Variants in GTF2F2 observed in about 807,000 individuals in gnomAD.
The protein encoded by GTF2F2 is ATP-dependent helicase GTF2F2.
A neutral mutation model predicts 42.2 loss-of-function variants in GTF2F2; 23 were observed. The observed-to-expected ratio is 0.55, with a 90% CI of 0.39 to 0.77. The LOEUF is 0.77. GTF2F2 is among the 30% of genes least tolerant of loss of function. The pLI is 0.00. For missense variants in GTF2F2, 261 were observed against 287.2 expected (o/e 0.91, Z 0.66); for synonymous variants, 105 against 100.8 (o/e 1.04, Z -0.25).
At chr13:45,142,157 G>A (rs1194461932) in intron 2 of GTF2F2, among the ~76,000 whole-genome samples, 2 of 152,158 alleles carry the variant, frequency 1.3e-5, no homozygotes, top group Non-Finnish European at 2.9e-5. Flanking sequence ...CACAGTTGAA[G>A]AAAAAGTAAG....
Position 45,207,600 on chromosome 13 carries a change from G to A in GTF2F2, c.386+95G>A. The A allele has an allele frequency of 4.1e-6, 3 of 738,194 alleles. No individual in the cohort carries two copies. In the South Asian group the frequency reaches 5.2e-5, roughly 13 times the overall value. The allele number at this position is 738,194 out of a possible 1,614,324, so 45.7% of individuals were successfully genotyped here. ...CGCCTATTGACTGCATTAAAACTGT[G>A]GTTATTGTTGAGTGTTTGCTTCAAA... On this transcript the variant is annotated intron_variant, in intron 5 of 7. Coordinates refer to ENST00000340473, the MANE Select transcript of GTF2F2 (RefSeq NM_004128.3).
intron 5 of GTF2F2, among the ~76,000 whole-genome samples, chr13:45,213,353 A>G (rs1386424177): frequency 1.3e-5 from 2 of 152,194 alleles, no homozygotes; most frequent in Non-Finnish European, 2.9e-5. Context: ...TGCTGGGATT[A>G]CAGGTATGAG....
intron 4 of GTF2F2, among the ~76,000 whole-genome samples, chr13:45,178,388 C>A (rs1038923952): frequency 6.9e-6 from 1 of 145,578 alleles, no homozygotes; most frequent in Non-Finnish European, 1.5e-5. Context: ...TTTTTTGAAT[C>A]TGTGACAATT....
chr13:45,265,831 G>A (rs1349029132), intron 6 of GTF2F2, among the ~76,000 whole-genome samples: 1 of 152,034 alleles, frequency 6.6e-6, no homozygotes, highest in East Asian at 1.9e-4. Context: ...CATTGTTTTC[G>A]AAGCTAGTCC....
At chr13:45,205,485 C>G (rs1593490479) in intron 4 of GTF2F2, among the ~76,000 whole-genome samples, 1 of 152,162 alleles carries the variant, frequency 6.6e-6, no homozygotes, top group East Asian at 1.9e-4. Flanking sequence ...GGATATGTGA[C>G]TAAATTATTT....
At chr13:45,183,799 A>G (rs1872278121) in intron 4 of GTF2F2, among the ~76,000 whole-genome samples, 1 of 152,092 alleles carries the variant, frequency 6.6e-6, no homozygotes, top group Non-Finnish European at 1.5e-5. Flanking sequence ...AATGCCAGAC[A>G]TTTTTATGAT....
rs941381529 is a variant in GTF2F2 at position 45,210,584 on chromosome 13, A to G, written c.386+3079A>G. Among the ~76,000 whole-genome samples the G allele has an allele frequency of 3.9e-5, 6 of 152,216 alleles. No individual in the cohort carries two copies. The East Asian group carries it at 1.2e-3, about 29-fold the overall frequency. On this transcript the variant is annotated intron_variant, in intron 5 of 7. Transcript: ENST00000340473. ...CTGCAATATAAGTTCCCATGAAAAC[A>G]AAGTTTGTTTTTTTCTTTTTTGACT...
At chr13:45,171,069 C>CT (rs908914894) in intron 4 of GTF2F2, among the ~76,000 whole-genome samples, 2,346 of 94,240 alleles carry the variant, frequency 0.025, 179 homozygotes, top group Non-Finnish European at 0.03. Flanking sequence ...AAAACCCTAT[C>CT]TTTTTTTTTT....
intron 4 of GTF2F2, among the ~76,000 whole-genome samples, chr13:45,164,018 G>GT (rs1304388151): frequency 6.6e-6 from 1 of 152,182 alleles, no homozygotes; most frequent in Non-Finnish European, 1.5e-5. Context: ...GCCAAGTGTG[G>GT]TGGTGCGCAT....
chr13:45,199,004 T>C (rs1328007373), intron 4 of GTF2F2, among the ~76,000 whole-genome samples: 1 of 152,212 alleles, frequency 6.6e-6, no homozygotes, highest in Non-Finnish European at 1.5e-5. Flanking sequence ...ATTTATCTGC[T>C]CTAAATGTTG....
At position 45,214,576 on chromosome 13, in the gene GTF2F2, TCTTA is replaced by T. The variant is rs569113482; in HGVS notation, c.386+7075_386+7078del. 1.7e-3 allele frequency among the ~76,000 whole-genome samples: 262 copies of T among 152,348 alleles called. 1 individual carries two copies. The highest frequency in any genetic ancestry group is 5.9e-3 in the African/African-American group (246 of 41,594). ...GAAGAAAAAAGTGTTCTACTACTTCTCTTACTTTTTCTTTATCTGACATTAGTTT... is the reference window on the plus strand; with the variant it reads ...GAAGAAAAAAGTGTTCTACTACTTCTCTTTTTCTTTATCTGACATTAGTTT... On this transcript the variant is annotated intron_variant, in intron 5 of 7. Transcript: ENST00000340473.
intron 4 of GTF2F2, among the ~76,000 whole-genome samples, chr13:45,165,885 C>G (rs1382783547): frequency 7.2e-6 from 1 of 139,472 alleles, no homozygotes; most frequent in Non-Finnish European, 1.5e-5. Context: ...GTGATCTCGG[C>G]CTACTGCAAC....
At chr13:45,162,692 G>A (rs1442204369) in intron 4 of GTF2F2, among the ~76,000 whole-genome samples, 1 of 152,112 alleles carries the variant, frequency 6.6e-6, no homozygotes, top group East Asian at 1.9e-4. Flanking sequence ...AATAATCTGA[G>A]GTTGGGATGA....
intron 4 of GTF2F2, among the ~76,000 whole-genome samples, chr13:45,186,038 G>A (rs375441834): frequency 5.3e-4 from 80 of 151,828 alleles, no homozygotes; most frequent in South Asian, 2.3e-3. Flanking sequence ...GCAGTGGCAC[G>A]ATCTCGGCTC....
chr13:45,226,744 C>T (rs1467806159), intron 5 of GTF2F2, among the ~76,000 whole-genome samples: 1 of 152,122 alleles, frequency 6.6e-6, no homozygotes, highest in Non-Finnish European at 1.5e-5. Context: ...TTAATCTTCC[C>T]ATTCAAAAAC....
chr13:45,244,214 T>G (rs375366032), intron 5 of GTF2F2, among the ~76,000 whole-genome samples: 1 of 152,212 alleles, frequency 6.6e-6, no homozygotes, highest in African/African-American at 2.4e-5. Context: ...AAGGAGAAAT[T>G]ACTTTGAACT....
chr13:45,259,392 C>T (rs1181270930), intron 6 of GTF2F2, among the ~76,000 whole-genome samples: 1 of 152,060 alleles, frequency 6.6e-6, no homozygotes, highest in Non-Finnish European at 1.5e-5. Flanking sequence ...TGCCACTGCA[C>T]TCCAGTCTGG....
At chr13:45,241,461 T>G (rs1047692854) in intron 5 of GTF2F2, among the ~76,000 whole-genome samples, 1 of 152,168 alleles carries the variant, frequency 6.6e-6, no homozygotes, top group African/African-American at 2.4e-5. Context: ...GTTATATCTT[T>G]GTTGTCCAGT....
chr13:45,239,244 A>G (rs1875157246), intron 5 of GTF2F2, among the ~76,000 whole-genome samples: 1 of 152,180 alleles, frequency 6.6e-6, no homozygotes, highest in Admixed American at 6.5e-5. Flanking sequence ...AGATAAAGAG[A>G]TTTCAAAAGG....
Sources: allele counts gnomAD v4.1 joint callset (sites outside exome capture counted in the v4.1 genomes callset), GRCh38; gene constraint gnomAD v4.1.1; transcripts MANE v1.5; gene names NCBI Gene and HGNC (gene_info 2026-07-23, HGNC 2026-07-21).